The following HLTF variants were observed in gnomAD, a reference collection of about 807,000 sequenced individuals.
HLTF encodes helicase like transcription factor.
HLTF carries 127 observed loss-of-function variants against 129.4 expected under a neutral mutation model. The observed-to-expected ratio is 0.98, with a 90% CI of 0.85 to 1.14. HLTF has a LOEUF of 1.14. Among genes scored for constraint, HLTF ranks in the 50% most tolerant of loss-of-function variants. HLTF has a pLI of 0.00. For synonymous variants in HLTF, 332 were observed against 388.8 expected (o/e 0.85, Z 1.72); for missense variants, 1,139 against 1,187.1 (o/e 0.96, Z 0.60).
chr3:149,085,690 G>T (rs1720307710), intron 1 of HLTF, among the ~76,000 whole-genome samples: 1 of 152,128 alleles, frequency 6.6e-6, no homozygotes, highest in Non-Finnish European at 1.5e-5. Context: ...GTGGGAAATT[G>T]GCCCCAAGCC....
At position 149,039,675 on chromosome 3, in the gene HLTF, C is replaced by A. The variant is rs372129397; in HGVS notation, c.2521G>T (p.Ala841Ser). 5 of 1,587,336 alleles carry A rather than the reference C, an allele frequency of 3.1e-6. No individual in the cohort carries two copies. Among genetic ancestry groups the A allele is most frequent in the Non-Finnish European group, 4.3e-6 (5 of 1,167,242 alleles). Residue 841 changes from alanine to serine, a missense_variant, in exon 22 of 25, where the codon GCA (alanine) becomes TCA (serine). By Grantham distance (99) the Ala-to-Ser change is moderately conservative. Transcript: ENST00000310053. ...SSSKINALMH[A>S]LTDLRKKNPN... ...TTCTTCTTTCTTAAGTCAGTCAATG[C>A]GTGCATTAGCGCATTAATCTGCAAA... is the stretch of plus-strand genomic sequence containing the variant.
intron 2 of HLTF, 134 bp from the exon 3 acceptor site, chr3:149,076,181 G>A (rs1576623063): frequency 2.5e-6 from 1 of 405,168 alleles, no homozygotes; most frequent in African/African-American, 2.1e-5. Flanking sequence ...ATATTTTCTA[G>A]ACACAAACTA....
chr3:149,035,419 A>C (rs1267212486), intron 23 of HLTF, among the ~76,000 whole-genome samples: 5 of 151,914 alleles, frequency 3.3e-5, no homozygotes, highest in Admixed American at 6.6e-5. Context: ...GTTTTCTTTC[A>C]CTTTCCTCTG....
intron 10 of HLTF, among the ~76,000 whole-genome samples, chr3:149,061,830 C>G (rs1717978349): frequency 7.0e-6 from 1 of 142,130 alleles, no homozygotes; most frequent in Non-Finnish European, 1.5e-5. Context: ...GAGCAAAACT[C>G]TGTCTCAAAA....
chr3:149,049,473 A>C (rs1282482556), intron 15 of HLTF, among the ~76,000 whole-genome samples: 1 of 152,242 alleles, frequency 6.6e-6, no homozygotes, highest in Admixed American at 6.5e-5. Flanking sequence ...AAAAGTTTTA[A>C]CTTTTGAACA....
At position 149,086,356 on chromosome 3, in the gene HLTF, A is replaced by G; in HGVS notation, c.-20T>C. ...GGACATGGCGCTGAGTGGGATGACAAGAGGAGCGCCTCGGCTCCCCTGGAT... is the reference window on the plus strand; with the variant it reads ...GGACATGGCGCTGAGTGGGATGACAGGAGGAGCGCCTCGGCTCCCCTGGAT... On this transcript the variant is annotated 5_prime_UTR_variant, in exon 1 of 25. Coordinates refer to ENST00000310053, the MANE Select transcript of HLTF (RefSeq NM_003071.4). 6.3e-7 allele frequency: 1 copy of G among 1,584,318 alleles called. No individual in the cohort carries two copies. Among genetic ancestry groups the G allele is most frequent in the Non-Finnish European group, 8.6e-7 (1 of 1,164,792 alleles).
rs1443341521 is a variant in HLTF, at chr3:149,041,541, A to C, written c.2325T>G (p.Cys775Trp). The C allele has an allele frequency of 6.2e-7, 1 of 1,613,418 alleles. No homozygotes were observed. Among genetic ancestry groups the C allele is most frequent in the Admixed American group, 1.7e-5 (1 of 60,002 alleles). ...DSLTVPVITHCAHVFCKPCIC... is the reference protein window; with the variant it reads ...DSLTVPVITHWAHVFCKPCIC... ...TACAGGGTTTACAAAATACATGTGC[A>C]CAATGTGTTATCACAGGAACTGTTA... The change falls in exon 20 of 25, where the codon TGT (cysteine) becomes TGG (tryptophan). Residue 775 changes from cysteine to tryptophan, a missense_variant. Coordinates refer to ENST00000310053, the MANE Select transcript of HLTF (RefSeq NM_003071.4).
chr3:149,054,682 A>T (rs1489775932), intron 14 of HLTF, among the ~76,000 whole-genome samples: 1 of 152,192 alleles, frequency 6.6e-6, no homozygotes, highest in Non-Finnish European at 1.5e-5. Flanking sequence ...AGAACAGAAA[A>T]GCAATCTGGA....
intron 5 of HLTF, among the ~76,000 whole-genome samples, chr3:149,072,579 A>T (rs1432301799): frequency 1.3e-5 from 2 of 152,260 alleles, no homozygotes; most frequent in African/African-American, 4.8e-5. Flanking sequence ...TGAACACAGC[A>T]GCAGCTCAGA....
At chr3:149,080,339 A>G (rs1420757964) in intron 2 of HLTF, among the ~76,000 whole-genome samples, 3 of 152,234 alleles carry the variant, frequency 2.0e-5, no homozygotes, top group Non-Finnish European at 2.9e-5. Context: ...GGTAAATTTT[A>G]TAATAAATGT....
Position 149,072,438 on chromosome 3 carries a change from T to A in HLTF, c.628-781A>T, listed in dbSNP as rs1206824762. On this transcript the variant is annotated intron_variant, in intron 5 of 24. Transcript: ENST00000310053. ...TCAATGACATTCCATTTATTATTAC[T>A]GCAATAAGGAACTTGCCATGCACTA... Among the ~76,000 whole-genome samples the A allele has an allele frequency of 7.2e-5, 11 of 152,366 alleles. No homozygotes were observed. The East Asian group carries it at 1.9e-3, about 27-fold the overall frequency.
chr3:149,079,902 A>G (rs779700662), intron 2 of HLTF, among the ~76,000 whole-genome samples: 4 of 152,110 alleles, frequency 2.6e-5, no homozygotes, highest in Non-Finnish European at 4.4e-5. Context: ...CCAGCCACAA[A>G]GTTTTTTATA....
intron 2 of HLTF, chr3:149,083,707 C>T (rs1033565433): frequency 2.0e-5 from 3 of 150,504 alleles, no homozygotes; most frequent in Non-Finnish European, 3.0e-5. Context: ...CCCAGGAGTT[C>T]CAGATCAGCC....
rs73011401 is a variant in HLTF at position 149,044,054 on chromosome 3, C to T, written c.2073-1764G>A. On this transcript the variant is annotated intron_variant, in intron 18 of 24. Transcript: ENST00000310053. ...AAGATTAAACTTACAAGCTCTAAACCAAAGTGCCAGAGTTAATCTGTCCTG... is the reference window on the plus strand; with the variant it reads ...AAGATTAAACTTACAAGCTCTAAACTAAAGTGCCAGAGTTAATCTGTCCTG... 6.0e-3 allele frequency among the ~76,000 whole-genome samples: 913 copies of T among 152,146 alleles called. 9 individuals are homozygous for T. Among genetic ancestry groups the T allele is most frequent in the African/African-American group, 0.021 (890 of 41,524 alleles).
downstream of HLTF, chr3:149,030,068 A>G (rs1714872710): frequency 6.6e-6 from 1 of 152,238 alleles, no homozygotes; most frequent in Non-Finnish European, 1.5e-5. Flanking sequence ...AAATGTCACA[A>G]TTAATGAAGG....
At chr3:149,043,009 C>T (rs1716252929) in intron 18 of HLTF, among the ~76,000 whole-genome samples, 1 of 151,572 alleles carries the variant, frequency 6.6e-6, no homozygotes, top group Admixed American at 6.6e-5. Context: ...AAAGAAAACT[C>T]AGCAGAAAAA....
chr3:149,048,890 C>G lies in HLTF; in HGVS notation c.1729G>C (p.Glu577Gln). 1.2e-6 allele frequency: 2 copies of G among 1,613,456 alleles called. No homozygotes were observed. The highest frequency in any genetic ancestry group is 1.7e-6 in the Non-Finnish European group (2 of 1,179,576). ...GTCAAAACCCATCTTCTTTCTGATT[C>G]TAAGTCAAGTACAGCTTTTGTCTGC... ...AQQTKAVLDLESERRWVLTGT... is the reference protein window; with the variant it reads ...AQQTKAVLDLQSERRWVLTGT... The change falls in exon 16 of 25, where the codon GAA (glutamate) becomes CAA (glutamine). Residue 577 changes from glutamate (E) to glutamine (Q), a missense_variant. Transcript: ENST00000310053.
At chr3:149,080,182 G>T (rs1395416220) in intron 2 of HLTF, among the ~76,000 whole-genome samples, 1 of 152,144 alleles carries the variant, frequency 6.6e-6, no homozygotes, top group Non-Finnish European at 1.5e-5. Context: ...GGTTGCCAGG[G>T]ACTGAGGGGT....
chr3:149,060,724 A>G, intron 11 of HLTF, 37 bp from the exon 12 acceptor site: 1 of 1,608,292 alleles, frequency 6.2e-7, no homozygotes, highest in Non-Finnish European at 8.5e-7. Context: ...AAAATGGGCA[A>G]AACAGGACAT....
Sources: gnomAD v4.1 joint callset for allele counts (sites outside exome capture counted in the v4.1 genomes callset) on GRCh38, gnomAD v4.1.1 for gene constraint, MANE v1.5 for transcripts, NCBI Gene and HGNC (gene_info 2026-07-23, HGNC 2026-07-21) for gene names.